Variants in KDM1B observed in about 807,000 individuals in gnomAD.
KDM1B encodes lysine demethylase 1B.
In KDM1B, 63 loss-of-function variants were observed where a neutral mutation model predicts 107.4. That is an observed-to-expected ratio of 0.59 (90% confidence interval 0.48 to 0.72). The LOEUF (loss-of-function observed/expected upper bound fraction) is 0.72, where lower values mean the gene tolerates loss of function less well. KDM1B is among the 30% of genes least tolerant of loss of function. The probability of loss-of-function intolerance (pLI) is 0.00; values close to 1 mark genes in which losing one functional copy is unlikely to be tolerated. For synonymous variants in KDM1B, 363 were observed against 363.9 expected, an observed-to-expected ratio of 1.00 and a Z score of 0.03; for missense variants, 749 against 1,020.8, an observed-to-expected ratio of 0.73 and a Z score of 3.63.
At chr6:18,208,778 G>A (rs1788604017) in intron 17 of KDM1B, among the ~76,000 whole-genome samples, 1 of 146,608 alleles carries the variant, frequency 6.8e-6, no homozygotes, top group African/African-American at 2.5e-5. Context: ...CCAAGTAGCT[G>A]GGACTACAGG....
chr6:18,173,470 T>C (rs764489167), intron 7 of KDM1B, among the ~76,000 whole-genome samples: 8 of 152,222 alleles, frequency 5.3e-5, no homozygotes, highest in Non-Finnish European at 1.0e-4. Context: ...TTTCATTTTC[T>C]GAATAGGTCT....
At chr6:18,180,880 T>A (rs887301369) in intron 7 of KDM1B, among the ~76,000 whole-genome samples, 1 of 152,234 alleles carries the variant, frequency 6.6e-6, no homozygotes, top group Non-Finnish European at 1.5e-5. Flanking sequence ...TAGCTGTGAT[T>A]TTTACATTTT....
At chr6:18,167,768 C>A (rs373012837) in intron 6 of KDM1B, among the ~76,000 whole-genome samples, 1 of 151,818 alleles carries the variant, frequency 6.6e-6, no homozygotes, top group African/African-American at 2.4e-5. Flanking sequence ...GCCACAATGC[C>A]CAATTTTTTT....
intron 5 of KDM1B, among the ~76,000 whole-genome samples, chr6:18,163,943 G>A (rs935643346): frequency 1.2e-4 from 17 of 138,868 alleles, no homozygotes; most frequent in African/African-American, 4.4e-4. Context: ...TTGATTGATA[G>A]TGCAGTTCAG....
chr6:18,215,562 A>C (rs1789157760), intron 20 of KDM1B, among the ~76,000 whole-genome samples: 1 of 152,092 alleles, frequency 6.6e-6, no homozygotes, highest in African/African-American at 2.4e-5. Context: ...ACCTCACTTT[A>C]AAGTAATTAC....
At chr6:18,177,348 C>T (rs1217692769) in intron 7 of KDM1B, among the ~76,000 whole-genome samples, 1 of 151,416 alleles carries the variant, frequency 6.6e-6, no homozygotes, top group East Asian at 1.9e-4. Flanking sequence ...TGGATTTTCT[C>T]CTTTTCTTGG....
chr6:18,218,006 A>AG, intron 21 of KDM1B, 121 bp downstream of exon 21: 3 of 1,040,342 alleles, frequency 2.9e-6, no homozygotes, highest in Non-Finnish European at 4.2e-6. Context: ...ATGACCACAG[A>AG]CAGCAGAAGC....
chr6:18,188,482 C>A (rs752836369), intron 9 of KDM1B, among the ~76,000 whole-genome samples: 2 of 152,144 alleles, frequency 1.3e-5, no homozygotes, highest in African/African-American at 4.8e-5. Flanking sequence ...AAAAGGTTTT[C>A]AACTATATGA....
Position 18,207,541 on chromosome 6 carries a change from C to T in KDM1B, c.1791+12C>T. ...AACTCAAATCTCCAGTGAGTATCAA[C>T]TGCTGGGAGGCTCTGGCTCGCCTTG... On this transcript the variant is annotated intron_variant, in intron 16 of 21. Transcript: ENST00000650836. The T allele has an allele frequency of 6.2e-7, 1 of 1,613,898 alleles. No individual in the cohort carries two copies. Among genetic ancestry groups the T allele is most frequent in the Non-Finnish European group, 8.5e-7 (1 of 1,179,754 alleles).
chr6:18,215,250 T>A, intron 20 of KDM1B, 121 bp downstream of exon 20: 1 of 1,188,898 alleles, frequency 8.4e-7, no homozygotes, highest in Non-Finnish European at 1.1e-6. Flanking sequence ...GCCACAGTCT[T>A]CTTTCTTTCA....
chr6:18,190,755 C>T (rs1787226672), intron 9 of KDM1B, among the ~76,000 whole-genome samples: 1 of 151,894 alleles, frequency 6.6e-6, no homozygotes, highest in African/African-American at 2.4e-5. Flanking sequence ...GAAAAATTAG[C>T]CAGATGTGGT....
chr6:18,217,464 C>T (rs923009333), intron 20 of KDM1B, among the ~76,000 whole-genome samples: 7 of 151,038 alleles, frequency 4.6e-5, no homozygotes, highest in Non-Finnish European at 8.9e-5. Context: ...CTGCAAGCTC[C>T]GCCTCCTGGG....
rs1359821170 is a variant in KDM1B, at chr6:18,211,558, A to G, written c.1867-930A>G. ...AAGTTGCAGGGTTTAGTCAGTAACC[A>G]CAAGTCAAGAAGGAGGCCGTAAGGC... On this transcript the variant is annotated intron_variant, in intron 17 of 21. Transcript: ENST00000650836. The surrounding 1 kb of genome is among the most constrained non-coding windows in gnomAD (Gnocchi z 5.2). 6.6e-6 allele frequency: 1 copy of G among 152,284 alleles called. No individual in the cohort carries two copies. Among genetic ancestry groups the G allele is most frequent in the Non-Finnish European group, 1.5e-5 (1 of 68,082 alleles). 9.4% of individuals were successfully genotyped at this position (152,284 alleles called of 1,614,324 possible).
Position 18,155,424 on chromosome 6 carries a change from G to C in KDM1B, c.-205G>C, listed in dbSNP as rs1164988870. On this transcript the variant is annotated 5_prime_UTR_variant, in exon 1 of 22. Transcript: ENST00000650836. This position sits in a 1 kb window ranked among gnomAD's most constrained non-coding sequence, Gnocchi z 6.2. Reference sequence around the variant, plus strand: ...CTCCTCCCACCCCGGGTCACGCCGTGACAGGGGCGGAAGCGGCGGCGGCGG... The same window carrying C: ...CTCCTCCCACCCCGGGTCACGCCGTCACAGGGGCGGAAGCGGCGGCGGCGG... 1 of 157,988 alleles carries C rather than the reference G, an allele frequency of 6.3e-6. No individual in the cohort carries two copies. Among genetic ancestry groups the C allele is most frequent in the Non-Finnish European group, 1.4e-5 (1 of 72,468 alleles). The allele number at this position is 157,988 out of a possible 1,614,324, so 9.8% of individuals were successfully genotyped here.
intron 10 of KDM1B, among the ~76,000 whole-genome samples, chr6:18,196,653 G>A (rs993785392): frequency 1.3e-5 from 2 of 151,982 alleles, no homozygotes; most frequent in Non-Finnish European, 2.9e-5. Context: ...AAAAATGGAT[G>A]GTGGCATCTC....
intron 14 of KDM1B, among the ~76,000 whole-genome samples, chr6:18,202,766 T>C (rs1364254545): frequency 6.6e-6 from 1 of 152,200 alleles, no homozygotes; most frequent in Admixed American, 6.5e-5. Context: ...GGACTATGTA[T>C]CTCTTCTTTT....
At chr6:18,157,232 T>C (rs12192017) in intron 2 of KDM1B, among the ~76,000 whole-genome samples, 7,795 of 152,274 alleles carry the variant, frequency 0.051, 256 homozygotes, top group Middle Eastern at 0.075. Context: ...AGTGGAGATA[T>C]ATAAATTACA....
chr6:18,185,673 G>T, intron 7 of KDM1B, 99 bp from the exon 8 acceptor site: 1 of 1,080,964 alleles, frequency 9.3e-7, no homozygotes, highest in Non-Finnish European at 1.4e-6. Flanking sequence ...TTCTTTGCCA[G>T]CCTGATAGGT....
chr6:18,188,051 C>T (rs1270997855), intron 9 of KDM1B, 49 bp downstream of exon 9: 16 of 1,487,144 alleles, frequency 1.1e-5, no homozygotes, highest in Non-Finnish European at 1.4e-5. Context: ...CGCTCCCCTC[C>T]CTGAGGAACG....
Sources: gnomAD v4.1 joint callset for allele counts (sites outside exome capture counted in the v4.1 genomes callset) on GRCh38, gnomAD v4.1.1 for gene constraint, Gnocchi (gnomAD v3.1) non-coding constraint, MANE v1.5 for transcripts, NCBI Gene and HGNC (gene_info 2026-07-23, HGNC 2026-07-21) for gene names.